Variants in NKAIN2 observed in about 807,000 individuals in gnomAD.
NKAIN2 encodes the protein sodium/potassium transporting ATPase interacting 2, also known as sodium/potassium-transporting ATPase subunit beta-1-interacting protein 2.
In NKAIN2, 14 loss-of-function variants were observed where a neutral mutation model predicts 32.6. The ratio of observed to expected loss-of-function variants is 0.43; its 90% CI spans 0.28 to 0.67. The LOEUF (loss-of-function observed/expected upper bound fraction) is 0.67. Among genes scored for constraint, NKAIN2 ranks in the 30% least tolerant of loss-of-function variants. The pLI is 0.17. For missense variants in NKAIN2, 198 were observed against 258.3 expected, an observed-to-expected ratio of 0.77 and a Z score of 1.60; for synonymous variants, 80 against 87.2, an observed-to-expected ratio of 0.92 and a Z score of 0.46.
intron 2 of NKAIN2, among the ~76,000 whole-genome samples, chr6:124,337,859 G>T (rs1186884739): frequency 6.6e-6 from 1 of 152,136 alleles, no homozygotes; most frequent in Non-Finnish European, 1.5e-5. Flanking sequence ...TTACAGATGT[G>T]CTGGGATGTT....
intron 2 of NKAIN2, among the ~76,000 whole-genome samples, chr6:124,301,119 C>T (rs1357135242): frequency 3.9e-5 from 6 of 152,112 alleles, no homozygotes; most frequent in Non-Finnish European, 7.4e-5. Flanking sequence ...GGGCCCCTCT[C>T]CTGTGTGCCA....
chr6:123,913,561 A>T (rs1775330917), intron 1 of NKAIN2, among the ~76,000 whole-genome samples: 1 of 152,206 alleles, frequency 6.6e-6, no homozygotes, highest in Non-Finnish European at 1.5e-5. Flanking sequence ...TGTGTAGGCA[A>T]CTGCCCTTTG....
intron 4 of NKAIN2, among the ~76,000 whole-genome samples, chr6:124,725,955 CT>C (rs1288846045): frequency 6.6e-6 from 1 of 152,204 alleles, no homozygotes; most frequent in Non-Finnish European, 1.5e-5. Context: ...CGGACGGCAC[CT>C]TGAAAATTGG....
At chr6:124,012,251 A>G (rs1780368633) in intron 1 of NKAIN2, among the ~76,000 whole-genome samples, 1 of 151,734 alleles carries the variant, frequency 6.6e-6, no homozygotes, top group South Asian at 2.1e-4. Context: ...TAATGCTTCT[A>G]CCACTATAGA....
At chr6:123,976,497 G>T (rs1015599443) in intron 1 of NKAIN2, among the ~76,000 whole-genome samples, 1 of 148,452 alleles carries the variant, frequency 6.7e-6, no homozygotes, top group Non-Finnish European at 1.5e-5. Context: ...AGCATGGGCT[G>T]GCAGGCTGGA....
At chr6:124,443,713 ACC>A (rs1181752368) in intron 3 of NKAIN2, among the ~76,000 whole-genome samples, 1 of 152,022 alleles carries the variant, frequency 6.6e-6, no homozygotes, top group African/African-American at 2.4e-5. Flanking sequence ...AGTAGTTCTT[ACC>A]CCACACATCA....
intron 3 of NKAIN2, among the ~76,000 whole-genome samples, chr6:124,626,667 A>T (rs1391546028): frequency 6.6e-6 from 1 of 152,134 alleles, no homozygotes; most frequent in Non-Finnish European, 1.5e-5. Flanking sequence ...TATTCTGTGA[A>T]ATGCAGTATT....
chr6:124,728,010 A>C (rs1776424608), intron 4 of NKAIN2, among the ~76,000 whole-genome samples: 1 of 151,692 alleles, frequency 6.6e-6, no homozygotes, highest in Non-Finnish European at 1.5e-5. Context: ...AGAGCTAACT[A>C]TCCTAAATAT....
chr6:124,620,377 C>T (rs896003574), intron 3 of NKAIN2, among the ~76,000 whole-genome samples: 5 of 152,076 alleles, frequency 3.3e-5, no homozygotes, highest in African/African-American at 2.4e-5. Context: ...TTAGACAAAA[C>T]ATTTGCTCCA....
chr6:124,751,776 G>A (rs1156729982), intron 4 of NKAIN2, among the ~76,000 whole-genome samples: 1 of 150,300 alleles, frequency 6.7e-6, no homozygotes, highest in African/African-American at 2.4e-5. Flanking sequence ...CCCAGGAGTT[G>A]GAGACCAACC....
rs114470792 is a variant in NKAIN2, at chr6:124,757,367, T to A, written c.475-33972T>A. Among the ~76,000 whole-genome samples the A allele has an allele frequency of 3.4e-3, 513 of 152,238 alleles. 2 individuals carry two copies. Among genetic ancestry groups the A allele is most frequent in the African/African-American group, 0.012 (478 of 41,560 alleles). On this transcript the variant is annotated intron_variant, in intron 4 of 6. Coordinates refer to ENST00000368417, the MANE Select transcript of NKAIN2 (RefSeq NM_001040214.3). ...CGCTTCAACATTCCTGTCACTCTCA[T>A]ATATTGATACATATTATTACTTACT... is the stretch of plus-strand genomic sequence containing the variant.
intron 1 of NKAIN2, among the ~76,000 whole-genome samples, chr6:123,951,317 T>G (rs908476542): frequency 6.6e-6 from 1 of 152,012 alleles, no homozygotes; most frequent in East Asian, 1.9e-4. Context: ...TCTTTGTTAA[T>G]TTTCCATGTA....
intron 3 of NKAIN2, among the ~76,000 whole-genome samples, chr6:124,357,935 G>T (rs1319112478): frequency 6.6e-6 from 1 of 151,804 alleles, no homozygotes; most frequent in South Asian, 2.1e-4. Context: ...CAACCCGCAC[G>T]CCACAACAGG....
intron 4 of NKAIN2, among the ~76,000 whole-genome samples, chr6:124,711,615 T>C (rs2114605854): frequency 6.6e-6 from 1 of 151,054 alleles, no homozygotes; most frequent in African/African-American, 2.4e-5. Context: ...TCGCATCGGC[T>C]CCTGAGGCTT....
intron 1 of NKAIN2, among the ~76,000 whole-genome samples, chr6:123,976,091 T>C (rs1299595529): frequency 3.3e-5 from 5 of 151,376 alleles, no homozygotes; most frequent in African/African-American, 1.2e-4. Context: ...ACGTGCCTTT[T>C]GCCTTCTACC....
chr6:124,591,403 A>G (rs1182461780), intron 3 of NKAIN2, among the ~76,000 whole-genome samples: 1 of 152,154 alleles, frequency 6.6e-6, no homozygotes, highest in East Asian at 1.9e-4. Context: ...AGGATGCAGA[A>G]AATATGGATT....
intron 1 of NKAIN2, among the ~76,000 whole-genome samples, chr6:124,011,964 T>A (rs1238361043): frequency 6.6e-6 from 1 of 152,182 alleles, no homozygotes; most frequent in African/African-American, 2.4e-5. Flanking sequence ...AAGTCATAGG[T>A]CAATCTGAGG....
At chr6:124,551,471 T>A (rs922712607) in intron 3 of NKAIN2, among the ~76,000 whole-genome samples, 3 of 152,190 alleles carry the variant, frequency 2.0e-5, no homozygotes, top group African/African-American at 4.8e-5. Flanking sequence ...TGGTCTCTAA[T>A]ACCCTTTTTC....
intron 1 of NKAIN2, among the ~76,000 whole-genome samples, chr6:123,849,054 A>C (rs1490552743): frequency 6.6e-6 from 1 of 152,148 alleles, no homozygotes; most frequent in African/African-American, 2.4e-5. Flanking sequence ...TTGACACTCA[A>C]AGCCTTTGGA....
Sources: gnomAD v4.1 joint callset for allele counts (sites outside exome capture counted in the v4.1 genomes callset) on GRCh38, gnomAD v4.1.1 for gene constraint, MANE v1.5 for transcripts, NCBI Gene and HGNC (gene_info 2026-07-23, HGNC 2026-07-21) for gene names.